Variants in DOCK3 observed in about 807,000 individuals in gnomAD.
DOCK3 encodes dedicator of cytokinesis 3.
Under a neutral mutation model 265.6 loss-of-function variants are expected in DOCK3, and 60 were observed. The ratio of observed to expected loss-of-function variants is 0.23; its 90% CI spans 0.18 to 0.28. The LOEUF is 0.28. Among genes scored for constraint, DOCK3 ranks in the 10% least tolerant of loss-of-function variants. DOCK3 has a pLI of 1.00. For synonymous variants in DOCK3, 881 were observed against 938.0 expected (o/e 0.94, Z 1.11); for missense variants, 1,981 against 2,594.3 (o/e 0.76, Z 5.14).
intron 1 of DOCK3, among the ~76,000 whole-genome samples, chr3:50,708,943 G>A (rs2036586213): frequency 6.6e-6 from 1 of 152,124 alleles, no homozygotes; most frequent in South Asian, 2.1e-4. Flanking sequence ...AGCCTTAGTC[G>A]CCTTTGGTCA....
At chr3:50,815,611 G>A (rs141249232) in intron 2 of DOCK3, among the ~76,000 whole-genome samples, 1 of 150,852 alleles carries the variant, frequency 6.6e-6, no homozygotes, top group African/African-American at 2.4e-5. Context: ...AAAATGTCAC[G>A]GAAGGCAATT....
intron 4 of DOCK3, among the ~76,000 whole-genome samples, chr3:50,921,780 G>A (rs1463448938): frequency 6.6e-6 from 1 of 152,168 alleles, no homozygotes; most frequent in Non-Finnish European, 1.5e-5. Flanking sequence ...CAGCAGTCAG[G>A]ACCCTCAGCT....
chr3:51,348,404 C>T (rs1015421152), intron 38 of DOCK3, among the ~76,000 whole-genome samples: 1 of 152,216 alleles, frequency 6.6e-6, no homozygotes, highest in African/African-American at 2.4e-5. Context: ...TTCATTATCT[C>T]ATCAAATAAA....
intron 12 of DOCK3, among the ~76,000 whole-genome samples, chr3:51,174,724 G>C (rs1204760490): frequency 6.6e-6 from 1 of 152,148 alleles, no homozygotes; most frequent in African/African-American, 2.4e-5. Flanking sequence ...GTTAATGTCA[G>C]TGCCTGTGAA....
intron 1 of DOCK3, among the ~76,000 whole-genome samples, chr3:50,777,421 A>G (rs1419506593): frequency 2.0e-5 from 3 of 152,054 alleles, no homozygotes; most frequent in African/African-American, 7.2e-5. Flanking sequence ...TGTGAATTTT[A>G]GGATTGTTTT....
At chr3:51,037,988 A>G (rs1042828637) in intron 5 of DOCK3, among the ~76,000 whole-genome samples, 2 of 152,204 alleles carry the variant, frequency 1.3e-5, no homozygotes, top group African/African-American at 4.8e-5. Flanking sequence ...CTGGGATATT[A>G]CTGGGAGTGG....
intron 32 of DOCK3, among the ~76,000 whole-genome samples, chr3:51,327,458 G>A (rs187807705): frequency 2.0e-5 from 3 of 152,218 alleles, no homozygotes; most frequent in East Asian, 3.9e-4. Context: ...TTGTTTCTAT[G>A]GAATAAAAGT....
intron 40 of DOCK3, among the ~76,000 whole-genome samples, chr3:51,351,651 CTTTT>C (rs150338641): frequency 2.3e-4 from 22 of 95,708 alleles, no homozygotes; most frequent in Middle Eastern, 5.2e-3. Context: ...AGTAGAGAGA[CTTTT>C]TTTTTTTTTT....
intron 4 of DOCK3, among the ~76,000 whole-genome samples, chr3:50,907,246 A>G (rs2049568831): frequency 2.6e-5 from 4 of 152,074 alleles, no homozygotes; most frequent in Middle Eastern, 6.8e-3. Context: ...TGGTGTGGAG[A>G]GTTCGTTAGA....
chr3:51,318,237 G>T (rs1560425120), intron 32 of DOCK3, among the ~76,000 whole-genome samples: 1 of 152,098 alleles, frequency 6.6e-6, no homozygotes, highest in Non-Finnish European at 1.5e-5. Flanking sequence ...AAATTAACCG[G>T]GCGTGGTGGC....
intron 1 of DOCK3, among the ~76,000 whole-genome samples, chr3:50,716,314 T>A (rs1038368376): frequency 3.3e-5 from 5 of 152,014 alleles, no homozygotes; most frequent in African/African-American, 4.8e-5. Context: ...GATCACGAAG[T>A]CAGGAGATCG....
chr3:51,366,262 A>G (rs1201395749), intron 49 of DOCK3, among the ~76,000 whole-genome samples: 1 of 152,050 alleles, frequency 6.6e-6, no homozygotes, highest in Non-Finnish European at 1.5e-5. Context: ...TAGATTTTCT[A>G]GTTTGTTTGC....
chr3:50,705,208 G>C (rs189456447), intron 1 of DOCK3, among the ~76,000 whole-genome samples: 294 of 151,970 alleles, frequency 1.9e-3, no homozygotes, highest in Middle Eastern at 3.4e-3. Context: ...ATGATGGTAT[G>C]TATCACCTTT....
chr3:51,035,243 A>G (rs930848904), intron 5 of DOCK3, among the ~76,000 whole-genome samples: 7 of 151,824 alleles, frequency 4.6e-5, no homozygotes, highest in Non-Finnish European at 1.0e-4. Flanking sequence ...ATTATGTTAG[A>G]TATTTTAAAT....
intron 5 of DOCK3, among the ~76,000 whole-genome samples, chr3:51,060,894 G>A (rs1445826081): frequency 2.0e-5 from 3 of 152,114 alleles, no homozygotes; most frequent in South Asian, 2.1e-4. Context: ...ATCAACAAGT[G>A]GGCAAAGGAT....
chr3:51,244,028 G>C lies in DOCK3; in HGVS notation c.2103-2698G>C, dbSNP rs1239794385. Among the ~76,000 whole-genome samples the C allele has an allele frequency of 6.6e-5, 10 of 152,280 alleles. No homozygotes were observed. In the South Asian group the frequency reaches 1.9e-3, roughly 28 times the overall value. On this transcript the variant is annotated intron_variant, in intron 21 of 52. Transcript: ENST00000266037. ...CCTGGCCCCTTGACCATATATGTGA[G>C]GCTTTACTTCTGGCCTATCTTTTCC...
rs553096937 is a variant in DOCK3, at chr3:51,223,973, G to A, written c.1253-1676G>A. ...CCAAGCAGCAATGTCCAAAGGAAGC[G>A]GATTAAGATTCCAGACTCATCAGAA... On this transcript the variant is annotated intron_variant, in intron 14 of 52. Coordinates refer to ENST00000266037, the MANE Select transcript of DOCK3 (RefSeq NM_004947.5). Among the ~76,000 whole-genome samples, 12 of 152,248 alleles carry A rather than the reference G, an allele frequency of 7.9e-5. No individual in the cohort carries two copies. In the South Asian group the frequency reaches 2.1e-3, roughly 26 times the overall value.
At chr3:51,002,110 T>A (rs1433900105) in intron 5 of DOCK3, among the ~76,000 whole-genome samples, 1 of 151,936 alleles carries the variant, frequency 6.6e-6, no homozygotes. Flanking sequence ...CATGCCCTGC[T>A]AATTTTTTTT....
At chr3:51,134,295 C>T (rs61526358) in intron 9 of DOCK3, among the ~76,000 whole-genome samples, 3,728 of 152,128 alleles carry the variant, frequency 0.025, 178 homozygotes, top group African/African-American at 0.085. Flanking sequence ...GGTATACACC[C>T]AGCAATGGAT....
Sources: allele counts gnomAD v4.1 joint callset (sites outside exome capture counted in the v4.1 genomes callset), GRCh38; gene constraint gnomAD v4.1.1; transcripts MANE v1.5; gene names NCBI Gene and HGNC (gene_info 2026-07-23, HGNC 2026-07-21).